The following NAB2 variants were observed in gnomAD, a reference collection of about 807,000 sequenced individuals.
NAB2 encodes the protein NGFI-A binding protein 2, also known as NGFI-A-binding protein 2.
A neutral mutation model predicts 44.2 loss-of-function variants in NAB2; 9 were observed. The ratio of observed to expected loss-of-function variants is 0.20; its 90% confidence interval spans 0.12 to 0.36. NAB2 has a LOEUF of 0.36. Ranked by LOEUF, NAB2 falls within the 10% of genes least tolerant of loss-of-function variation. The pLI, the probability that NAB2 is intolerant of heterozygous loss-of-function variation, is 1.00. For synonymous variants in NAB2, 342 were observed against 291.0 expected (o/e 1.18, Z -1.78); for missense variants, 514 against 709.0 (o/e 0.73, Z 3.12).
In NAB2 at chr12:57,092,644, T is replaced by A. The variant is rs1182488240; in HGVS notation, c.1091+63T>A. 1.9e-6 allele frequency: 3 copies of A among 1,585,214 alleles called. No individual in the cohort carries two copies. The Admixed American group carries it at 5.2e-5, about 27-fold the overall frequency. ...CCTGCTATGGAGTTAGATCATGTCC[T>A]AACCTTCAGCTCAGGCAGCTCTAGG... On this transcript the variant is annotated intron_variant, in intron 3 of 6. Transcript: ENST00000300131.
chr12:57,093,248 A>C, intron 5 of NAB2, 53 bp downstream of exon 5: 12 of 511,130 alleles, frequency 2.3e-5, no homozygotes, highest in Non-Finnish European at 3.9e-5. Flanking sequence ...GGAGTAGGGG[A>C]GGGGGTTGGG....
In NAB2 at chr12:57,091,603, C is replaced by T. The variant is rs375695749; in HGVS notation, c.562C>T (p.Arg188Trp). ...GAGDPRIWPG[R>W]STPESDVGAG... is the part of the protein sequence containing the mutation. ...AGGGGACCCCCGGATCTGGCCAGGC[C>T]GGAGCACTCCAGAGTCGGACGTTGG... is the stretch of plus-strand genomic sequence containing the variant. Residue 188 changes from arginine (R) to tryptophan (W), a missense_variant, in exon 2 of 7, where the codon CGG becomes TGG. Physicochemically the swap from Arg to Trp is moderately radical, Grantham distance 101. Coordinates refer to ENST00000300131, the MANE Select transcript of NAB2 (RefSeq NM_005967.4). This position sits in a 1 kb window ranked among gnomAD's most constrained non-coding sequence, Gnocchi z 7.3. 7 of 1,604,250 alleles carry T rather than the reference C, an allele frequency of 4.4e-6. No individual in the cohort carries two copies. The highest frequency in any genetic ancestry group is 2.2e-5 in the East Asian group (1 of 44,750).
chr12:57,092,962 A>G lies in NAB2; in HGVS notation c.1137A>G (p.Lys379=). 1 of 1,614,174 alleles carries G rather than the reference A, an allele frequency of 6.2e-7. No homozygotes were observed. The highest frequency in any genetic ancestry group is 8.5e-7 in the Non-Finnish European group (1 of 1,180,020). The change falls in exon 4 of 7, where the codon AAA becomes AAG. Residue 379 remains lysine, a synonymous_variant. Coordinates refer to ENST00000300131, the MANE Select transcript of NAB2 (RefSeq NM_005967.4). Reference sequence around the variant, plus strand: ...GAGGCCCTCCACTGAAGAAGCTGAAACAAGAGGTATGTTTTCCGGGGTGCA... The same window carrying G: ...GAGGCCCTCCACTGAAGAAGCTGAAGCAAGAGGTATGTTTTCCGGGGTGCA... ...ELGGPPLKKL[K]QEVGEQSHPE...
chr12:57,092,322 G>C (rs902484535), intron 2 of NAB2, 126 bp from the exon 3 acceptor site: 2 of 1,400,586 alleles, frequency 1.4e-6, no homozygotes, highest in African/African-American at 2.9e-5. Flanking sequence ...CCCATGTAGT[G>C]TCAAAACCAA....
chr12:57,090,198 C>T (rs567905592), intron 1 of NAB2, among the ~76,000 whole-genome samples: 1 of 152,240 alleles, frequency 6.6e-6, no homozygotes, highest in South Asian at 2.1e-4. Flanking sequence ...AATGCTTAAC[C>T]AGGCCGGGCG....
chr12:57,089,864 A>G (rs2136541518), intron 1 of NAB2, among the ~76,000 whole-genome samples: 1 of 152,276 alleles, frequency 6.6e-6, no homozygotes, highest in African/African-American at 2.4e-5. Context: ...GGGGAGTTTC[A>G]GTGTGCAGCC....
chr12:57,092,386 A>T, intron 2 of NAB2, 62 bp from the exon 3 acceptor site: 3 of 1,590,872 alleles, frequency 1.9e-6, no homozygotes, highest in South Asian at 2.3e-5. Flanking sequence ...GGGTGTGAGG[A>T]GGTCTGGTGA....
rs1236173203 is a variant in NAB2, at chr12:57,094,688, C to T, written c.1545C>T (p.Ser515=). ...CGCTGGTGGAGGGTCGCAGGAGCAGCGTGAAAGTGGAGGCTGAGGCCAGCC... is the reference window on the plus strand; with the variant it reads ...CGCTGGTGGAGGGTCGCAGGAGCAGTGTGAAAGTGGAGGCTGAGGCCAGCC... The part of the protein sequence containing the change: ...HPALVEGRRS[S]VKVEAEASRQ The change falls in exon 7 of 7, where the codon AGC becomes AGT. Residue 515 remains serine (S), a synonymous_variant. Transcript: ENST00000300131. The T allele has an allele frequency of 9.6e-6, 15 of 1,554,424 alleles. No individual in the cohort carries two copies. Among genetic ancestry groups the T allele is most frequent in the African/African-American group, 2.7e-5 (2 of 73,402 alleles).
chr12:57,094,982 TG>T lies in NAB2; in HGVS notation c.*265del, dbSNP rs1457556565. Reference sequence around the variant, plus strand: ...GCAAGGACTCTGCCTCCAGGGCATCTGGGGTTTTCCCCTCCCTCACACAACA... The same window carrying T: ...GCAAGGACTCTGCCTCCAGGGCATCTGGGTTTTCCCCTCCCTCACACAACA... On this transcript the variant is annotated 3_prime_UTR_variant, in exon 7 of 7. Transcript: ENST00000300131. 1.8e-5 allele frequency: 9 copies of T among 498,854 alleles called. No individual in the cohort carries two copies. The highest frequency in any genetic ancestry group is 2.5e-5 in the Non-Finnish European group (7 of 279,916). The allele number at this position is 498,854 out of a possible 1,614,324, so 30.9% of individuals were successfully genotyped here.
At chr12:57,089,426 CGGAGGTCGAGG>C in intron 1 of NAB2, 72 bp downstream of exon 1, 1 of 440,100 alleles carries the variant, frequency 2.3e-6, no homozygotes. Context: ...GTCCAGAGGG[CGGAGGTCGAGG>C]GGAGGACGTG....
chr12:57,093,671 G>C, intron 6 of NAB2, 73 bp downstream of exon 6: 2 of 1,384,314 alleles, frequency 1.4e-6, no homozygotes, highest in Non-Finnish European at 9.5e-7. Flanking sequence ...TGGTGTCCTG[G>C]GGCCAGGTGG....
chr12:57,093,432 G>A lies in NAB2; in HGVS notation c.1302G>A (p.Thr434=). 3 of 1,589,196 alleles carry A rather than the reference G, an allele frequency of 1.9e-6. No individual in the cohort carries two copies. Among genetic ancestry groups the A allele is most frequent in the Non-Finnish European group, 2.6e-6 (3 of 1,168,878 alleles). ...CTGTGGGGTCATGTCCAAGGCTGAC[G>A]CCGCCCCCTGCTGACCTGCCTCTGG... ...LQAVGSCPRL[T]PPPADLPLAL... Residue 434 remains threonine (T), a synonymous_variant, in exon 6 of 7, where the codon ACG becomes ACA. Coordinates refer to ENST00000300131, the MANE Select transcript of NAB2 (RefSeq NM_005967.4).
rs1348740029 is a variant in NAB2, at chr12:57,089,252, C to G, written c.-20C>G. On this transcript the variant is annotated 5_prime_UTR_variant, in exon 1 of 7. Coordinates refer to ENST00000300131, the MANE Select transcript of NAB2 (RefSeq NM_005967.4). ...GCGCCGGGCACCGAGAAGGGCAGCC[C>G]GGGTGATCTCCGGCCGTCCATGCAC... The G allele has an allele frequency of 1.4e-5, 22 of 1,563,788 alleles. No individual in the cohort carries two copies. Among genetic ancestry groups the G allele is most frequent in the South Asian group, 2.4e-5 (2 of 85,102 alleles).
At chr12:57,094,390 G>C (rs993957424) in intron 6 of NAB2, among the ~76,000 whole-genome samples, 19 of 151,884 alleles carry the variant, frequency 1.3e-4, no homozygotes, top group African/African-American at 2.7e-4. Flanking sequence ...GAAAGAGAGA[G>C]AGACAGACAG....
rs1486711930 is a variant in NAB2 at position 57,092,107 on chromosome 12, GA to G, written c.957+110del. On this transcript the variant is annotated intron_variant, in intron 2 of 6. Coordinates refer to ENST00000300131, the MANE Select transcript of NAB2 (RefSeq NM_005967.4). ...CTATCTTTCATTATCTCTTGACCAG[GA>G]CCCCAGGCCCTGATCCCCTCCCCAA... 7 of 1,462,160 alleles carry G rather than the reference GA, an allele frequency of 4.8e-6. No homozygotes were observed. The East Asian group carries it at 1.4e-4, about 30-fold the overall frequency. The allele number at this position is 1,462,160 out of a possible 1,614,324, so 90.6% of individuals were successfully genotyped here.
chr12:57,092,162 T>G (rs1476276336), intron 2 of NAB2, 164 bp downstream of exon 2: 1 of 1,253,918 alleles, frequency 8.0e-7, no homozygotes, highest in Non-Finnish European at 1.1e-6. Flanking sequence ...GCCGCAGTGC[T>G]TCCATCCTCA....
At chr12:57,092,874 C>T (rs1347278187) in intron 3 of NAB2, 43 bp from the exon 4 acceptor site, 1 of 1,609,430 alleles carries the variant, frequency 6.2e-7, no homozygotes. Context: ...AGTCGAGTGG[C>T]CCTCGTCAGC....
chr12:57,089,325 C>A lies in NAB2; in HGVS notation c.54C>A (p.Ser18Arg). 6.3e-7 allele frequency: 1 copy of A among 1,576,490 alleles called. No homozygotes were observed. The highest frequency in any genetic ancestry group is 8.6e-7 in the Non-Finnish European group (1 of 1,161,516). ...TAEQPPGGGD[S>R]ARRTLQPRLK... ...AGCAGCCGCCGGGCGGAGGGGACAG[C>A]GCCCGCCGGACCCTGCAGCCCAGAC... The change falls in exon 1 of 7, where the codon AGC becomes AGA. Residue 18 changes from serine to arginine, a missense_variant. This residue lies in a region of NAB2 where 56 missense variants were observed against 45.5 expected (regional missense o/e 1.23). Transcript: ENST00000300131.
chr12:57,091,048 A>C lies in NAB2; in HGVS notation c.84-77A>C. 2.3e-5 allele frequency: 28 copies of C among 1,209,112 alleles called. No individual in the cohort carries two copies. Among genetic ancestry groups the C allele is most frequent in the Non-Finnish European group, 3.0e-5 (26 of 871,804 alleles). The allele number at this position is 1,209,112 out of a possible 1,614,324, so 74.9% of individuals were successfully genotyped here. On this transcript the variant is annotated intron_variant, in intron 1 of 6. Transcript: ENST00000300131. The surrounding 1 kb of genome is among the most constrained non-coding windows in gnomAD (Gnocchi z 7.3). ...GAAGAAAAGCAGGCAGGAAAGAGGG[A>C]ACAATTGTTAGTGTGGGTTGGTACC... is the stretch of plus-strand genomic sequence containing the variant.
Sources: allele counts gnomAD v4.1 joint callset (sites outside exome capture counted in the v4.1 genomes callset), GRCh38; gene constraint gnomAD v4.1.1; regional missense constraint gnomAD v4.1.1; non-coding constraint Gnocchi (gnomAD v3.1); transcripts MANE v1.5; gene names NCBI Gene and HGNC (gene_info 2026-07-23, HGNC 2026-07-21).